Variants in ECD observed in about 807,000 individuals in gnomAD.
ECD encodes protein ecdysoneless homolog.
Under a neutral mutation model 77.2 loss-of-function variants are expected in ECD, and 59 were observed. The ratio of observed to expected loss-of-function variants is 0.76; its 90% CI spans 0.62 to 0.95. The LOEUF is 0.95. Ranked by LOEUF, ECD falls within the 40% of genes least tolerant of loss-of-function variation. The pLI is 0.00. For synonymous variants in ECD, 233 were observed against 267.4 expected, an observed-to-expected ratio of 0.87 and a Z score of 1.26; for missense variants, 704 against 763.4, an observed-to-expected ratio of 0.92 and a Z score of 0.92.
At chr10:73,156,535 C>T in intron 4 of ECD, 33 bp downstream of exon 4, 5 of 1,612,982 alleles carry the variant, frequency 3.1e-6, no homozygotes, top group Non-Finnish European at 4.2e-6. Context: ...ATGATTTCAT[C>T]TCTATAAATT....
At chr10:73,148,753 AATT>A (rs2133258875) in intron 7 of ECD, among the ~76,000 whole-genome samples, 1 of 152,304 alleles carries the variant, frequency 6.6e-6, no homozygotes, top group East Asian at 1.9e-4. Context: ...GTCCAACAGA[AATT>A]ATACATATAT....
At chr10:73,149,977 C>T (rs1001910514) in intron 7 of ECD, among the ~76,000 whole-genome samples, 4 of 151,858 alleles carry the variant, frequency 2.6e-5, no homozygotes, top group African/African-American at 4.9e-5. Flanking sequence ...AATGCCATCC[C>T]CATCAAGCTA....
chr10:73,159,061 T>TG (rs1191447629), intron 3 of ECD, among the ~76,000 whole-genome samples: 5 of 152,190 alleles, frequency 3.3e-5, no homozygotes, highest in Non-Finnish European at 5.9e-5. Context: ...AATGGGAACA[T>TG]GTGGGTTCAT....
At chr10:73,144,718 G>A (rs1589683296) in intron 9 of ECD, among the ~76,000 whole-genome samples, 1 of 151,900 alleles carries the variant, frequency 6.6e-6, no homozygotes, top group African/African-American at 2.4e-5. Context: ...ATTCTTTCTT[G>A]CATGAGATCC....
At chr10:73,149,388 C>A (rs1589116954) in intron 7 of ECD, among the ~76,000 whole-genome samples, 1 of 152,234 alleles carries the variant, frequency 6.6e-6, no homozygotes, top group Middle Eastern at 3.4e-3. Flanking sequence ...TCAGTAGAAA[C>A]CTTACTTACA....
At chr10:73,145,657 C>CTTTTTTTT (rs748175828) in intron 9 of ECD, among the ~76,000 whole-genome samples, 1 of 124,136 alleles carries the variant, frequency 8.1e-6, no homozygotes, top group Non-Finnish European at 1.7e-5. Flanking sequence ...TATTGTGCAG[C>CTTTTTTTT]TTTTTTTTTT....
At chr10:73,154,560 G>A (rs994292474) in intron 5 of ECD, 112 bp from the exon 6 acceptor site, 12 of 994,000 alleles carry the variant, frequency 1.2e-5, no homozygotes, top group Non-Finnish European at 1.5e-5. Flanking sequence ...AGTACGTAGA[G>A]AGTGACAAGA....
intron 1 of ECD, among the ~76,000 whole-genome samples, chr10:73,167,523 C>G (rs1256542426): frequency 2.0e-5 from 3 of 152,116 alleles, no homozygotes; most frequent in African/African-American, 7.2e-5. Flanking sequence ...CAATCTTACT[C>G]AGCTTTCTAA....
In ECD at chr10:73,136,817, C is replaced by T. The variant is rs763580316; in HGVS notation, c.1591G>A (p.Glu531Lys). 35 of 1,614,092 alleles carry T rather than the reference C, an allele frequency of 2.2e-5. No individual in the cohort carries two copies. The highest frequency in any genetic ancestry group is 2.7e-5 in the Non-Finnish European group (32 of 1,180,008). The change falls in exon 13 of 14, where the codon GAA (glutamate) becomes AAA (lysine). Residue 531 changes from glutamate to lysine, a missense_variant. Around this residue, in one of 3 missense-constraint regions of ECD, gnomAD observed 142 missense variants for 163.6 expected, o/e 0.87. Transcript: ENST00000372979. ...DLDFETHEPG[E>K]EASLKGTLDN... ...AGTGTTCCTTTCAGGGAAGCCTCTT[C>T]GCCAGGTTCGTGTGTTTCAAAGTCC...
intron 2 of ECD, among the ~76,000 whole-genome samples, chr10:73,161,054 G>C (rs1285131148): frequency 6.6e-6 from 1 of 151,752 alleles, no homozygotes; most frequent in African/African-American, 2.4e-5. Context: ...AATATCTTGG[G>C]ACAAATGAAA....
chr10:73,165,097 T>G (rs1843435964), intron 1 of ECD, among the ~76,000 whole-genome samples: 1 of 152,180 alleles, frequency 6.6e-6, no homozygotes, highest in South Asian at 2.1e-4. Flanking sequence ...GTTTTTTTCT[T>G]TAATTTAGGA....
At chr10:73,138,205 T>A in intron 11 of ECD, 135 bp from the exon 12 acceptor site, 1 of 628,658 alleles carries the variant, frequency 1.6e-6, no homozygotes, top group South Asian at 3.5e-5. Context: ...AAGTTGTAGT[T>A]TAAGTTTTAA....
intron 9 of ECD, among the ~76,000 whole-genome samples, chr10:73,143,788 T>C (rs1286469820): frequency 6.9e-6 from 1 of 145,496 alleles, no homozygotes; most frequent in East Asian, 1.9e-4. Flanking sequence ...TCGTTCTATT[T>C]TTTTTTTTTT....
chr10:73,147,335 G>C (rs1041893191), intron 8 of ECD, among the ~76,000 whole-genome samples: 2 of 152,116 alleles, frequency 1.3e-5, no homozygotes, highest in Non-Finnish European at 2.9e-5. Flanking sequence ...ATCACCTGAG[G>C]TCAGGAGTCC....
chr10:73,153,389 G>A (rs776214845), intron 6 of ECD, among the ~76,000 whole-genome samples: 33 of 150,552 alleles, frequency 2.2e-4, no homozygotes, highest in Non-Finnish European at 4.0e-4. Context: ...CACCATGCCC[G>A]GCCAAGAATA....
At chr10:73,150,890 G>T (rs1843192933) in intron 7 of ECD, among the ~76,000 whole-genome samples, 1 of 152,160 alleles carries the variant, frequency 6.6e-6, no homozygotes, top group Non-Finnish European at 1.5e-5. Context: ...GTGCTGGAGA[G>T]GATGTGGAGA....
At chr10:73,154,060 C>A (rs1454730067) in intron 6 of ECD, among the ~76,000 whole-genome samples, 196 bp downstream of exon 6, 2 of 152,026 alleles carry the variant, frequency 1.3e-5, no homozygotes, top group Admixed American at 1.3e-4. Context: ...ACTTCTAGTC[C>A]CAAGCATTTC....
chr10:73,156,139 A>G (rs1438315460), intron 5 of ECD, 136 bp downstream of exon 5: 1 of 623,918 alleles, frequency 1.6e-6, no homozygotes, highest in South Asian at 3.9e-5. Context: ...ATCTAGGTGA[A>G]AGGTATTTTA....
intron 7 of ECD, among the ~76,000 whole-genome samples, chr10:73,150,373 T>C (rs2133260497): frequency 6.6e-6 from 1 of 152,236 alleles, no homozygotes; most frequent in South Asian, 2.1e-4. Context: ...AAAAATTAAT[T>C]CAAGATGGAT....
Sources: allele counts gnomAD v4.1 joint callset (sites outside exome capture counted in the v4.1 genomes callset), GRCh38; gene constraint gnomAD v4.1.1; regional missense constraint gnomAD v4.1.1; transcripts MANE v1.5; gene names NCBI Gene and HGNC (gene_info 2026-07-23, HGNC 2026-07-21).